Variants in EVC2 observed in about 807,000 individuals in gnomAD.
EVC2 encodes limbin.
EVC2 carries 148 observed loss-of-function variants against 149.3 expected under a neutral mutation model. The observed-to-expected ratio is 0.99, with a 90% confidence interval of 0.87 to 1.14. EVC2 has a LOEUF of 1.14. Ranked by LOEUF, EVC2 falls within the 50% of genes most tolerant of loss-of-function variation. The pLI is 0.00. For missense variants in EVC2, 1,854 were observed against 1,627.3 expected, an observed-to-expected ratio of 1.14 and a Z score of -2.40; for synonymous variants, 776 against 649.9, an observed-to-expected ratio of 1.19 and a Z score of -2.95.
At chr4:5,590,549 G>A (rs975450057) in intron 16 of EVC2, among the ~76,000 whole-genome samples, 2 of 152,036 alleles carry the variant, frequency 1.3e-5, no homozygotes, top group Non-Finnish European at 2.9e-5. Context: ...TCAACCAACT[G>A]CCTGACACTG....
At chr4:5,673,027 T>C (rs1719751584) in intron 7 of EVC2, among the ~76,000 whole-genome samples, 1 of 152,222 alleles carries the variant, frequency 6.6e-6, no homozygotes, top group Non-Finnish European at 1.5e-5. Context: ...GGTACCAAGT[T>C]TCCTTTCGGA....
At chr4:5,529,835 T>G in the EVC2 span, among the ~76,000 whole-genome samples, 1 of 143,616 alleles carries the variant, frequency 7.0e-6, no homozygotes, top group Non-Finnish European at 1.5e-5. The surrounding 1 kb of genome is among the most constrained non-coding windows in gnomAD (Gnocchi z 4.5). Context: ...TTTTTTTTTT[T>G]GACGGAGTCT....
rs1716923700 is a variant in EVC2 at position 5,636,950 on chromosome 4, A to G, written c.1470+3564T>C. ...GCTGCAGCTCAGATACTATTTCTGG[A>G]AACAGATTGGTTCAAATAAGGCGGC... On this transcript the variant is annotated intron_variant, in intron 10 of 21. Coordinates refer to ENST00000344408, the MANE Select transcript of EVC2 (RefSeq NM_147127.5). The surrounding 1 kb of genome is among the most constrained non-coding windows in gnomAD (Gnocchi z 4.6). Among the ~76,000 whole-genome samples, 1 of 152,170 alleles carries G rather than the reference A, an allele frequency of 6.6e-6. No individual in the cohort carries two copies. Among genetic ancestry groups the G allele is most frequent in the East Asian group, 1.9e-4 (1 of 5,198 alleles).
intron 5 of EVC2, 120 bp downstream of exon 5, chr4:5,689,037 A>T: frequency 9.3e-7 from 1 of 1,080,084 alleles, no homozygotes; most frequent in South Asian, 1.3e-5. Context: ...CACTGTGAGG[A>T]TTAGGAGAGT....
intron 7 of EVC2, among the ~76,000 whole-genome samples, chr4:5,675,195 C>T (rs143313980): frequency 1.7e-4 from 26 of 152,268 alleles, no homozygotes; most frequent in African/African-American, 6.3e-4. Context: ...AAATATTTCC[C>T]CAAGTTTCTC....
intron 16 of EVC2, among the ~76,000 whole-genome samples, chr4:5,606,030 C>T: frequency 6.6e-6 from 1 of 152,212 alleles, no homozygotes; most frequent in East Asian, 1.9e-4. Context: ...TAAGATGAGG[C>T]CCAAACCCCC....
At position 5,694,656 on chromosome 4, in the gene EVC2, T is replaced by C. The variant is rs11936402; in HGVS notation, c.284-155A>G. On this transcript the variant is annotated intron_variant, in intron 2 of 21. Coordinates refer to ENST00000344408, the MANE Select transcript of EVC2 (RefSeq NM_147127.5). Reference sequence around the variant, plus strand: ...TGAAGGAATGAATGATATCATCTCTTTGCCAGGAAAATGAGACATGCTCAC... The same window carrying C: ...TGAAGGAATGAATGATATCATCTCTCTGCCAGGAAAATGAGACATGCTCAC... Among the ~76,000 whole-genome samples the C allele has an allele frequency of 0.24, 36,943 of 152,086 alleles. 4,624 individuals are homozygous for C. The highest frequency in any genetic ancestry group is 0.28 in the East Asian group (1,462 of 5,170).
At chr4:5,639,007 AC>A (rs1465480684) in intron 10 of EVC2, among the ~76,000 whole-genome samples, 1 of 152,150 alleles carries the variant, frequency 6.6e-6, no homozygotes, top group East Asian at 1.9e-4. Context: ...GGACAGGAGA[AC>A]CTAAAATGAG....
intron 21 of EVC2, among the ~76,000 whole-genome samples, chr4:5,555,187 T>C (rs1055774224): frequency 1.3e-5 from 2 of 151,040 alleles, no homozygotes; most frequent in African/African-American, 4.9e-5. Flanking sequence ...GGAGATAAAA[T>C]AGAGTAAGAG....
chr4:5,707,518 G>A (rs1722289673), intron 1 of EVC2, among the ~76,000 whole-genome samples: 2 of 152,044 alleles, frequency 1.3e-5, no homozygotes, highest in African/African-American at 2.4e-5. Context: ...GACAGGAGTG[G>A]CAGAATGTCT....
Position 5,612,921 on chromosome 4 carries a change from CCAAAAAAAAA to C in EVC2, c.2829+2491_2829+2500del, listed in dbSNP as rs1245380431. ...TGGGTGACAGAGCGAGACTCTGTCT[CCAAAAAAAAA>C]AAAAAAAAAAAAAAAAAAGAAATAA... On this transcript the variant is annotated intron_variant, in intron 16 of 21. Transcript: ENST00000344408. Among the ~76,000 whole-genome samples, 133 of 69,178 alleles carry C rather than the reference CCAAAAAAAAA, an allele frequency of 1.9e-3. 1 individual carries two copies. Among genetic ancestry groups the C allele is most frequent in the African/African-American group, 6.2e-3 (122 of 19,528 alleles). The allele number at this position is 69,178 out of a possible 152,430, so 45.4% of individuals were successfully genotyped here.
At chr4:5,697,409 C>T (rs921012940) in intron 2 of EVC2, among the ~76,000 whole-genome samples, 184 bp downstream of exon 2, 2 of 152,186 alleles carry the variant, frequency 1.3e-5, no homozygotes, top group Admixed American at 6.5e-5. Flanking sequence ...ACTAACGCTT[C>T]GGCCAGCTTT....
intron 16 of EVC2, among the ~76,000 whole-genome samples, chr4:5,602,156 G>T (rs1714031136): frequency 6.6e-6 from 1 of 151,826 alleles, no homozygotes; most frequent in South Asian, 2.1e-4. Flanking sequence ...GTAGGGTAGT[G>T]CATGCCTGTA....
At chr4:5,676,221 G>C (rs920091477) in intron 7 of EVC2, among the ~76,000 whole-genome samples, 7 of 152,134 alleles carry the variant, frequency 4.6e-5, no homozygotes, top group East Asian at 1.9e-4. Flanking sequence ...AGACAGAAAG[G>C]GGAAGACAAC....
intron 8 of EVC2, among the ~76,000 whole-genome samples, chr4:5,664,031 T>C (rs560501364): frequency 6.6e-6 from 1 of 152,208 alleles, no homozygotes; most frequent in Non-Finnish European, 1.5e-5. Flanking sequence ...TTGTCTCCAA[T>C]ATCATTAACT....
the EVC2 span, among the ~76,000 whole-genome samples, chr4:5,532,460 C>G: frequency 6.6e-6 from 1 of 152,184 alleles, no homozygotes; most frequent in South Asian, 2.1e-4. Flanking sequence ...ATACAATTAA[C>G]CAGCACACCC....
chr4:5,627,081 T>A (rs1458403047), intron 12 of EVC2, among the ~76,000 whole-genome samples: 1 of 152,150 alleles, frequency 6.6e-6, no homozygotes, highest in Non-Finnish European at 1.5e-5. Context: ...ATCCTGTTGT[T>A]TCTGTTTCCC....
intron 16 of EVC2, among the ~76,000 whole-genome samples, chr4:5,588,643 G>A (rs1712509009): frequency 6.6e-6 from 1 of 151,926 alleles, no homozygotes; most frequent in Non-Finnish European, 1.5e-5. Context: ...TGTCTAATCT[G>A]CTGTTAATTC....
chr4:5,706,361 G>GATAGATAGCTAGATAGATAC (rs1560243338), intron 1 of EVC2, among the ~76,000 whole-genome samples: 22 of 73,552 alleles, frequency 3.0e-4, no homozygotes, highest in Non-Finnish European at 3.7e-4. Flanking sequence ...TAGACACATA[G>GATAGATAGCTAGATAGATAC]ATAGATACAT....
Sources: allele counts gnomAD v4.1 joint callset (sites outside exome capture counted in the v4.1 genomes callset), GRCh38; gene constraint gnomAD v4.1.1; non-coding constraint Gnocchi (gnomAD v3.1); transcripts MANE v1.5; gene names NCBI Gene and HGNC (gene_info 2026-07-23, HGNC 2026-07-21).